Variants in NGRN observed in about 807,000 individuals in gnomAD.
NGRN encodes neugrin.
In NGRN, 12 loss-of-function variants were observed where a neutral mutation model predicts 13.1. That is an observed-to-expected ratio of 0.92 (90% CI 0.59 to 1.49). The LOEUF (loss-of-function observed/expected upper bound fraction) is 1.49. Ranked by LOEUF, NGRN falls within the 40% of genes most tolerant of loss-of-function variation. The pLI, the probability that NGRN is intolerant of heterozygous loss-of-function variation, is 0.00. For missense variants in NGRN, 397 were observed against 357.0 expected (o/e 1.11, Z -0.90); for synonymous variants, 149 against 145.8 (o/e 1.02, Z -0.16).
At chr15:90,270,911 C>T (rs1165106755) in intron 2 of NGRN, among the ~76,000 whole-genome samples, 2 of 152,154 alleles carry the variant, frequency 1.3e-5, no homozygotes, top group Non-Finnish European at 2.9e-5. Flanking sequence ...TCTCGGCTCA[C>T]CGCAGCCTTC....
intron 2 of NGRN, 90 bp downstream of exon 2, chr15:90,266,488 C>A: frequency 1.1e-6 from 1 of 939,394 alleles, no homozygotes; most frequent in Non-Finnish European, 1.6e-6. Context: ...TTTGATACTG[C>A]TTTTATATTT....
intron 2 of NGRN, among the ~76,000 whole-genome samples, chr15:90,269,021 G>T (rs1221727351): frequency 2.5e-5 from 3 of 117,740 alleles, no homozygotes; most frequent in African/African-American, 9.8e-5. Flanking sequence ...TTTTGAGACG[G>T]AGTCTCATTC....
At chr15:90,266,239 TC>T (rs2151658174) in intron 1 of NGRN, 48 bp from the exon 2 acceptor site, 1 of 1,580,358 alleles carries the variant, frequency 6.3e-7, no homozygotes. Context: ...TCTTCAAACA[TC>T]CATTCTGCTT....
At chr15:90,266,197 A>G in intron 1 of NGRN, 91 bp from the exon 2 acceptor site, 1 of 1,504,316 alleles carries the variant, frequency 6.6e-7, no homozygotes. Flanking sequence ...CAAAGAGAAG[A>G]GGGCTGGGCG....
In NGRN at chr15:90,268,666, A is replaced by C. The variant is rs191799867; in HGVS notation, c.275+2268A>C. On this transcript the variant is annotated intron_variant, in intron 2 of 2. Transcript: ENST00000379095. Reference sequence around the variant, plus strand: ...TTTGTTTGTTTGTATCACTGCAATAAAACTGCTCTCCTTAAATCCATCAGT... The same window carrying C: ...TTTGTTTGTTTGTATCACTGCAATACAACTGCTCTCCTTAAATCCATCAGT... Among the ~76,000 whole-genome samples the C allele has an allele frequency of 1.8e-3, 277 of 152,238 alleles. 1 individual carries two copies. The highest frequency in any genetic ancestry group is 6.4e-3 in the African/African-American group (267 of 41,550).
chr15:90,265,717 C>T lies in NGRN; in HGVS notation c.5C>T (p.Ala2Val), dbSNP rs1963401282. 1.2e-6 allele frequency: 2 copies of T among 1,613,072 alleles called. No individual in the cohort carries two copies. The highest frequency in any genetic ancestry group is 2.2e-5 in the East Asian group (1 of 44,852). Residue 2 changes from alanine (A) to valine (V), a missense_variant, in exon 1 of 3, where the codon GCG becomes GTG. Coordinates refer to ENST00000379095, the MANE Select transcript of NGRN (RefSeq NM_001033088.3). The part of the protein sequence containing the change: M[A>V]VTLSLLLGGR... ...TGAAGGCTGGTTTGCGTCGACATGG[C>T]GGTTACCCTGAGTCTCTTGCTGGGC...
Position 90,271,230 on chromosome 15 carries a change from G to A in NGRN, c.318G>A (p.Arg106=), listed in dbSNP as rs2151660590. The A allele has an allele frequency of 6.2e-7, 1 of 1,614,124 alleles. No individual in the cohort carries two copies. Among genetic ancestry groups the A allele is most frequent in the East Asian group, 2.2e-5 (1 of 44,890 alleles). ...EEFPESWSVP[R]LAEGFDVSTD... ...TTCCAGAGTCCTGGTCAGTTCCCAG[G>A]TTGGCTGAAGGCTTTGATGTCAGCA... The change falls in exon 3 of 3, where the codon AGG becomes AGA. Residue 106 remains arginine (R), a synonymous_variant. Transcript: ENST00000379095.
chr15:90,265,908 A>T (rs1963408066), intron 1 of NGRN, 32 bp downstream of exon 1: 1 of 1,472,050 alleles, frequency 6.8e-7, no homozygotes, highest in African/African-American at 1.4e-5. Context: ...CTCAGCTTGA[A>T]GCAGGGCCTC....
At chr15:90,265,999 C>T (rs1463521391) in intron 1 of NGRN, 123 bp downstream of exon 1, 18 of 1,394,716 alleles carry the variant, frequency 1.3e-5, no homozygotes, top group South Asian at 1.6e-5. Flanking sequence ...TTTCTTCTTA[C>T]CCGTTGTTAG....
intron 2 of NGRN, among the ~76,000 whole-genome samples, chr15:90,270,673 C>T (rs1257541734): frequency 6.6e-6 from 1 of 152,144 alleles, no homozygotes; most frequent in East Asian, 1.9e-4. Flanking sequence ...GTGAGAGGAG[C>T]TGAGTTGATG....
Position 90,271,267 on chromosome 15 carries a change from C to G in NGRN, c.355C>G (p.Arg119Gly). ...CTTTGATGTCAGCACTGATGTGATC[C>G]GAAGAGTTTTAAAAAGCAAGTTTTT... ...EGFDVSTDVI[R>G]RVLKSKFLPT... Residue 119 changes from arginine (R) to glycine (G), a missense_variant, in exon 3 of 3, where the codon CGA (arginine) becomes GGA (glycine). Physicochemically the swap from Arg to Gly is moderately radical, Grantham distance 125. Coordinates refer to ENST00000379095, the MANE Select transcript of NGRN (RefSeq NM_001033088.3). 6.2e-7 allele frequency: 1 copy of G among 1,614,058 alleles called. No individual in the cohort carries two copies. The highest frequency in any genetic ancestry group is 1.6e-4 in the Middle Eastern group (1 of 6,062).
chr15:90,265,870 T>C lies in NGRN; in HGVS notation c.158T>C (p.Val53Ala), dbSNP rs1348136194. 5 of 1,591,186 alleles carry C rather than the reference T, an allele frequency of 3.1e-6. No homozygotes were observed. Among genetic ancestry groups the C allele is most frequent in the Non-Finnish European group, 4.3e-6 (5 of 1,169,796 alleles). ...WEPEERELQE[V>A]ESTLKRQKQA... The stretch of plus-strand genomic sequence containing the variant: ...CCGGAGGAACGGGAGCTGCAGGAGG[T>C]GGAGAGGTACCGGCTTCTCCCCGGG... Residue 53 changes from valine (V) to alanine (A), a missense_variant, in exon 1 of 3, where the codon GTG becomes GCG. Physicochemically the swap from Val to Ala is moderately conservative, Grantham distance 64. Transcript: ENST00000379095.
chr15:90,271,545 TAA>T lies in NGRN; in HGVS notation c.635_636del (p.Lys212ArgfsTer28). ...NTPRRRKGRN[K>X]EIQDLEESFV... ...CACCAAGGAGAAGGAAGGGAAGAAA[TAA>T]AGAAATCCAGGACCTGGAGGAGAGC... is the stretch of plus-strand genomic sequence containing the variant. On this transcript the variant is annotated frameshift_variant, in exon 3 of 3. Coordinates refer to ENST00000379095, the MANE Select transcript of NGRN (RefSeq NM_001033088.3). LOFTEE classifies it low-confidence loss of function (END_TRUNC). The T allele has an allele frequency of 1.9e-6, 3 of 1,613,706 alleles. No individual in the cohort carries two copies. The highest frequency in any genetic ancestry group is 1.7e-6 in the Non-Finnish European group (2 of 1,179,972).
intron 2 of NGRN, 87 bp downstream of exon 2, chr15:90,266,485 C>G (rs975223060): frequency 1.0e-6 from 1 of 969,192 alleles, no homozygotes; most frequent in East Asian, 2.7e-5. Context: ...TTTTTTGATA[C>G]TGCTTTTATA....
chr15:90,271,732 G>C lies in NGRN; in HGVS notation c.820G>C (p.Val274Leu), dbSNP rs1963508418. ...GCCAGATAACTTCAGCAGCAAAGTAGTGCAGAGGGGCCGAGAGTTCTTTGA... is the reference window on the plus strand; with the variant it reads ...GCCAGATAACTTCAGCAGCAAAGTACTGCAGAGGGGCCGAGAGTTCTTTGA... ...EEPDNFSSKV[V>L]QRGREFFDSN... The change falls in exon 3 of 3, where the codon GTG becomes CTG. Residue 274 changes from valine (V) to leucine (L), a missense_variant. Physicochemically the swap from Val to Leu is conservative, Grantham distance 32. Coordinates refer to ENST00000379095, the MANE Select transcript of NGRN (RefSeq NM_001033088.3). The C allele has an allele frequency of 6.2e-7, 1 of 1,614,218 alleles. No homozygotes were observed. The highest frequency in any genetic ancestry group is 1.3e-5 in the African/African-American group (1 of 75,054).
At position 90,266,345 on chromosome 15, in the gene NGRN, G is replaced by T. The variant is rs375767614; in HGVS notation, c.222G>T (p.Glu74Asp). The change falls in exon 2 of 3, where the codon GAG becomes GAT. Residue 74 changes from glutamate (E) to aspartate (D), a missense_variant. Glu to Asp is a conservative substitution (Grantham distance 45). Transcript: ENST00000379095. Reference sequence around the variant, plus strand: ...TCCAGAAAATTCGGAGGCAAATGGAGGCGCCTGGTGCCCCGCCCAGGACCC... The same window carrying T: ...TCCAGAAAATTCGGAGGCAAATGGATGCGCCTGGTGCCCCGCCCAGGACCC... ...IRFQKIRRQM[E>D]APGAPPRTLT... 2.5e-6 allele frequency: 4 copies of T among 1,614,002 alleles called. No homozygotes were observed. Among genetic ancestry groups the T allele is most frequent in the Non-Finnish European group, 3.4e-6 (4 of 1,179,966 alleles).
intron 2 of NGRN, among the ~76,000 whole-genome samples, chr15:90,270,734 A>G (rs1596202209): frequency 6.6e-6 from 1 of 152,380 alleles, no homozygotes; most frequent in East Asian, 1.9e-4. Flanking sequence ...GTTGACACAC[A>G]GAAATGGAAC....
Position 90,271,716 on chromosome 15 carries a change from CTT to C in NGRN, c.805_806del (p.Phe269GlnfsTer13), listed in dbSNP as rs775451718. On this transcript the variant is annotated frameshift_variant, in exon 3 of 3. Transcript: ENST00000379095. LOFTEE classifies it high-confidence loss of function. ...AGTTGAAGGCAGAGGAGCCAGATAACTTCAGCAGCAAAGTAGTGCAGAGGGGC... is the reference window on the plus strand; with the variant it reads ...AGTTGAAGGCAGAGGAGCCAGATAACCAGCAGCAAAGTAGTGCAGAGGGGC... ...EELKAEEPDN[F>X]SSKVVQRGRE... is the part of the protein sequence containing the mutation. 10 of 1,614,072 alleles carry C rather than the reference CTT, an allele frequency of 6.2e-6. No homozygotes were observed. In the African/African-American group the frequency reaches 9.3e-5, roughly 15 times the overall value.
At chr15:90,266,472 G>T in intron 2 of NGRN, 74 bp downstream of exon 2, 1 of 1,187,930 alleles carries the variant, frequency 8.4e-7, no homozygotes, top group Non-Finnish European at 1.2e-6. Context: ...AAACGGGTTT[G>T]GCTTTTTTGA....
Sources: gnomAD v4.1 joint callset for allele counts (sites outside exome capture counted in the v4.1 genomes callset) on GRCh38, gnomAD v4.1.1 for gene constraint, MANE v1.5 for transcripts, NCBI Gene and HGNC (gene_info 2026-07-23, HGNC 2026-07-21) for gene names.